Variants in ECSCR observed in about 807,000 individuals in gnomAD.
ECSCR encodes endothelial cell surface expressed chemotaxis and apoptosis regulator.
ECSCR carries 12 observed loss-of-function variants against 16.7 expected under a neutral mutation model. The ratio of observed to expected loss-of-function variants is 0.72; its 90% CI spans 0.46 to 1.17. The LOEUF is 1.17. Among genes scored for constraint, ECSCR ranks in the 50% most tolerant of loss-of-function variants. ECSCR has a pLI of 0.00. For missense variants in ECSCR, 122 were observed against 116.1 expected, an observed-to-expected ratio of 1.05 and a Z score of -0.23; for synonymous variants, 44 against 42.2, an observed-to-expected ratio of 1.04 and a Z score of -0.17.
At chr5:139,460,290 C>A (rs928584492) in intron 1 of ECSCR, among the ~76,000 whole-genome samples, 7 of 152,080 alleles carry the variant, frequency 4.6e-5, no homozygotes, top group African/African-American at 1.7e-4. Context: ...CGCCTGCCAC[C>A]ATGCCCGGCT....
At chr5:139,448,981 C>T (rs888776424) in intron 9 of ECSCR, 73 bp from the exon 10 acceptor site, 2 of 1,534,790 alleles carry the variant, frequency 1.3e-6, no homozygotes, top group African/African-American at 2.7e-5. Context: ...GGGAGAAAAG[C>T]CAGAGTCTTT....
intron 8 of ECSCR, among the ~76,000 whole-genome samples, chr5:139,449,436 C>T (rs921179377): frequency 6.6e-6 from 1 of 152,122 alleles, no homozygotes; most frequent in Non-Finnish European, 1.5e-5. Context: ...CTCTCGGGTT[C>T]AAGCGATTCT....
chr5:139,459,109 T>C (rs1295388435), intron 1 of ECSCR, among the ~76,000 whole-genome samples: 1 of 151,948 alleles, frequency 6.6e-6, no homozygotes, highest in African/African-American at 2.4e-5. Context: ...TTTAAACTAG[T>C]GACATTTCTA....
intron 8 of ECSCR, among the ~76,000 whole-genome samples, chr5:139,450,658 C>T (rs1751019611): frequency 6.6e-6 from 1 of 151,672 alleles, no homozygotes; most frequent in African/African-American, 2.4e-5. Flanking sequence ...TGCCTGTAGT[C>T]CCAGCTACTC....
chr5:139,451,648 T>C (rs1751051892), intron 8 of ECSCR, among the ~76,000 whole-genome samples: 2 of 141,686 alleles, frequency 1.4e-5, no homozygotes, highest in Non-Finnish European at 3.1e-5. Context: ...TGTATGTATG[T>C]TGTTTGGGTG....
intron 8 of ECSCR, among the ~76,000 whole-genome samples, chr5:139,452,452 G>GGCCT (rs2152088532): frequency 1.6e-3 from 5 of 3,142 alleles, no homozygotes; most frequent in South Asian, 6.5e-3. Context: ...GTGTGTGGTA[G>GGCCT]GTGGGTATGT....
chr5:139,450,718 G>A (rs901903207), intron 8 of ECSCR, among the ~76,000 whole-genome samples: 1 of 150,228 alleles, frequency 6.7e-6, no homozygotes, highest in Non-Finnish European at 1.5e-5. Flanking sequence ...GGAGGTTGCA[G>A]TGAGCTGAGA....
chr5:139,452,302 GGTGT>G (rs1302268281), intron 8 of ECSCR, among the ~76,000 whole-genome samples: 1 of 142,512 alleles, frequency 7.0e-6, no homozygotes, highest in South Asian at 2.2e-4. Context: ...GTAGGTTTGT[GGTGT>G]GTGTGTGTGT....
At chr5:139,451,525 A>G (rs1199496712) in intron 8 of ECSCR, among the ~76,000 whole-genome samples, 2 of 108,834 alleles carry the variant, frequency 1.8e-5, no homozygotes, top group Non-Finnish European at 3.7e-5. Flanking sequence ...GTATAGTATG[A>G]AGTGTGTGGT....
At chr5:139,459,236 G>C (rs1751239165) in intron 1 of ECSCR, among the ~76,000 whole-genome samples, 1 of 152,158 alleles carries the variant, frequency 6.6e-6, no homozygotes, top group African/African-American at 2.4e-5. Flanking sequence ...CAGGGAAGGG[G>C]CTGAGAGACG....
chr5:139,462,654 G>A lies in ECSCR; in HGVS notation c.17C>T (p.Ala6Val). The change falls in exon 1 of 10, where the codon GCC becomes GTC. Residue 6 changes from alanine to valine, a missense_variant. Transcript: ENST00000618155. ...CAGGATCACCCAGCACAGCTGCATG[G>A]CTCCTGCGGTGCCCATGTCAGCTGG... MGTAGAMQLCWVILGF... is the reference protein window; with the variant it reads MGTAGVMQLCWVILGF... 1 of 1,591,714 alleles carries A rather than the reference G, an allele frequency of 6.3e-7. No individual in the cohort carries two copies. The highest frequency in any genetic ancestry group is 8.5e-7 in the Non-Finnish European group (1 of 1,169,708).
At chr5:139,449,243 G>A (rs1288045107) in intron 8 of ECSCR, 69 bp from the exon 9 acceptor site, 1 of 1,154,506 alleles carries the variant, frequency 8.7e-7, no homozygotes, top group Non-Finnish European at 1.3e-6. Context: ...AAGGAACTGT[G>A]AGGTTGTTGA....
Position 139,454,828 on chromosome 5 carries a change from C to G in ECSCR, c.472G>C (p.Glu158Gln). 2.5e-6 allele frequency: 1 copy of G among 398,694 alleles called. No homozygotes were observed. The highest frequency in any genetic ancestry group is 4.4e-6 in the Non-Finnish European group (1 of 226,194). 24.7% of individuals were successfully genotyped at this position (398,694 alleles called of 1,614,324 possible). A position where few individuals can be genotyped will look rare whatever the true frequency, so the allele number is the denominator to read the frequency against. Residue 158 changes from glutamate to glutamine, a missense_variant, in exon 7 of 10, where the codon GAA becomes CAA. Transcript: ENST00000618155. ...TCCCCGAGGGCAGGGCACGCACCTTCAGACTCCTTGCTCTTCCGACACTTG... is the reference window on the plus strand; with the variant it reads ...TCCCCGAGGGCAGGGCACGCACCTTGAGACTCCTTGCTCTTCCGACACTTG... ...RFKCRKSKESEDPQKPGSSGL... is the reference protein window; with the variant it reads ...RFKCRKSKESQDPQKPGSSGL...
intron 1 of ECSCR, among the ~76,000 whole-genome samples, chr5:139,461,025 G>A (rs916771215): frequency 6.6e-6 from 1 of 152,116 alleles, no homozygotes; most frequent in African/African-American, 2.4e-5. Context: ...GCTGGGTGTG[G>A]TGGTGTGTGC....
chr5:139,451,355 G>A (rs1037863927), intron 8 of ECSCR, among the ~76,000 whole-genome samples: 3 of 150,272 alleles, frequency 2.0e-5, no homozygotes, highest in Admixed American at 6.6e-5. Context: ...TGTATAATAT[G>A]GGGTACATAT....
At chr5:139,451,771 G>A (rs1751055519) in intron 8 of ECSCR, among the ~76,000 whole-genome samples, 1 of 140,254 alleles carries the variant, frequency 7.1e-6, no homozygotes, top group South Asian at 2.5e-4. Flanking sequence ...GGGTGGGTGT[G>A]TATAGTATGG....
chr5:139,462,470 A>G, intron 1 of ECSCR, 140 bp downstream of exon 1: 1 of 832,752 alleles, frequency 1.2e-6, no homozygotes, highest in Non-Finnish European at 2.0e-6. Flanking sequence ...AATCCAACTG[A>G]TCTTCATGGA....
chr5:139,450,775 CAAA>C (rs952414998), intron 8 of ECSCR, among the ~76,000 whole-genome samples: 1 of 95,386 alleles, frequency 1.0e-5, no homozygotes. Flanking sequence ...GACTCCATGT[CAAA>C]AAAAAAAAAA....
intron 1 of ECSCR, among the ~76,000 whole-genome samples, chr5:139,462,102 T>G (rs1418870796): frequency 1.3e-5 from 2 of 152,214 alleles, no homozygotes; most frequent in Non-Finnish European, 2.9e-5. Context: ...GTGTCTAACC[T>G]GAGTCCCTCT....
Sources: allele counts gnomAD v4.1 joint callset (sites outside exome capture counted in the v4.1 genomes callset), GRCh38; gene constraint gnomAD v4.1.1; transcripts MANE v1.5; gene names NCBI Gene and HGNC (gene_info 2026-07-23, HGNC 2026-07-21).